Variants in RIMS1 observed in about 807,000 individuals in gnomAD.
The protein encoded by RIMS1 is regulating synaptic membrane exocytosis protein 1.
A neutral mutation model predicts 214.1 loss-of-function variants in RIMS1; 83 were observed. The observed-to-expected ratio is 0.39, with a 90% confidence interval of 0.32 to 0.47. The LOEUF (loss-of-function observed/expected upper bound fraction) is 0.47, where lower values mean the gene tolerates loss of function less well. Ranked by LOEUF, RIMS1 falls within the 20% of genes least tolerant of loss-of-function variation. The pLI, the probability that RIMS1 is intolerant of heterozygous loss-of-function variation, is 0.99. For missense variants in RIMS1, 2,050 were observed against 2,161.8 expected, an observed-to-expected ratio of 0.95 and a Z score of 1.03; for synonymous variants, 793 against 786.8, an observed-to-expected ratio of 1.01 and a Z score of -0.13.
intron 2 of RIMS1, among the ~76,000 whole-genome samples, chr6:71,984,524 C>T (rs1045113398): frequency 9.2e-5 from 14 of 152,190 alleles, no homozygotes; most frequent in African/African-American, 2.9e-4. Context: ...CACGTTAAAC[C>T]TTAGTTAATT....
At chr6:72,126,873 T>C (rs1027682086) in intron 4 of RIMS1, among the ~76,000 whole-genome samples, 2 of 152,028 alleles carry the variant, frequency 1.3e-5, no homozygotes, top group Non-Finnish European at 2.9e-5. Flanking sequence ...AGTTTGGAGA[T>C]TCCTTAAACA....
chr6:72,344,101 G>A (rs903299939), intron 29 of RIMS1, among the ~76,000 whole-genome samples: 1 of 151,680 alleles, frequency 6.6e-6, no homozygotes, highest in Non-Finnish European at 1.5e-5. Flanking sequence ...ATCTCCTTCT[G>A]TTAATTTTTT....
At chr6:72,396,844 C>A (rs909401809) in intron 31 of RIMS1, among the ~76,000 whole-genome samples, 76 of 152,152 alleles carry the variant, frequency 5.0e-4, no homozygotes, top group African/African-American at 1.7e-3. Context: ...AAAACCCTGT[C>A]TCCACTAAAA....
intron 28 of RIMS1, among the ~76,000 whole-genome samples, chr6:72,326,335 C>T (rs1017070131): frequency 1.3e-5 from 2 of 151,666 alleles, no homozygotes; most frequent in Non-Finnish European, 2.9e-5. Context: ...TCTTCCAAAA[C>T]GTTGTGTCAG....
intron 1 of RIMS1, among the ~76,000 whole-genome samples, chr6:71,951,635 C>T (rs1368039639): frequency 6.7e-6 from 1 of 148,642 alleles, no homozygotes; most frequent in Non-Finnish European, 1.5e-5. Context: ...GGTAGGACCA[C>T]AGTTGTGCAC....
chr6:72,192,873 T>A (rs1298430322), intron 6 of RIMS1, among the ~76,000 whole-genome samples: 1 of 152,164 alleles, frequency 6.6e-6, no homozygotes, highest in East Asian at 1.9e-4. Context: ...CCCACTCAGA[T>A]TGAGGGTGGT....
chr6:72,366,087 TA>T (rs1187050943), intron 29 of RIMS1, among the ~76,000 whole-genome samples: 4 of 152,248 alleles, frequency 2.6e-5, no homozygotes, highest in African/African-American at 9.6e-5. Flanking sequence ...GCATGGTATG[TA>T]AAAAGTGCTC....
intron 24 of RIMS1, among the ~76,000 whole-genome samples, chr6:72,285,732 A>G (rs1175340987): frequency 6.6e-6 from 1 of 152,192 alleles, no homozygotes; most frequent in African/African-American, 2.4e-5. Flanking sequence ...AGTTAACTGC[A>G]GTTTCTTTAC....
chr6:71,934,560 A>G (rs1401043608), intron 1 of RIMS1, among the ~76,000 whole-genome samples: 1 of 152,150 alleles, frequency 6.6e-6, no homozygotes, highest in African/African-American at 2.4e-5. Flanking sequence ...ATCTTTTGAG[A>G]TAAATACAGT....
chr6:72,242,108 A>T (rs2067205456), intron 9 of RIMS1, among the ~76,000 whole-genome samples: 1 of 151,980 alleles, frequency 6.6e-6, no homozygotes, highest in African/African-American at 2.4e-5. Flanking sequence ...ATTCTGGGGG[A>T]AAAAAAGAAA....
intron 2 of RIMS1, among the ~76,000 whole-genome samples, chr6:72,021,088 C>G (rs1814508682): frequency 6.6e-6 from 1 of 152,006 alleles, no homozygotes. Context: ...AAGAACATGC[C>G]CATAGATAGA....
intron 2 of RIMS1, among the ~76,000 whole-genome samples, chr6:72,044,938 A>C (rs1822518431): frequency 6.6e-6 from 1 of 151,988 alleles, no homozygotes; most frequent in South Asian, 2.1e-4. Context: ...AATAGCCACA[A>C]TCTGTAAACA....
intron 1 of RIMS1, among the ~76,000 whole-genome samples, chr6:71,955,481 T>C (rs538152552): frequency 5.9e-5 from 9 of 152,272 alleles, no homozygotes; most frequent in African/African-American, 2.2e-4. Flanking sequence ...AACATTCTGG[T>C]ACAAATCATT....
intron 28 of RIMS1, among the ~76,000 whole-genome samples, chr6:72,324,031 G>GATAGAT (rs2096309657): frequency 1.4e-5 from 1 of 70,200 alleles, no homozygotes. Context: ...TGCATGCATA[G>GATAGAT]ATAGATAGAT....
intron 2 of RIMS1, among the ~76,000 whole-genome samples, chr6:72,038,420 A>G (rs1241389490): frequency 6.6e-6 from 1 of 151,986 alleles, no homozygotes; most frequent in African/African-American, 2.4e-5. Flanking sequence ...ATTCAGTGCA[A>G]TGTTTAAAGA....
intron 26 of RIMS1, 64 bp downstream of exon 26, chr6:72,292,110 C>T: frequency 1.0e-6 from 1 of 960,130 alleles, no homozygotes; most frequent in East Asian, 2.6e-5. Context: ...CTATTTATAC[C>T]CCTTTTATTA....
At chr6:72,393,831 G>A (rs973140187) in intron 31 of RIMS1, among the ~76,000 whole-genome samples, 1 of 151,970 alleles carries the variant, frequency 6.6e-6, no homozygotes, top group Non-Finnish European at 1.5e-5. Flanking sequence ...TTCAGAATTC[G>A]GAGGAACAAG....
At chr6:72,212,855 G>A (rs926721305) in intron 6 of RIMS1, 18 of 1,128,558 alleles carry the variant, frequency 1.6e-5, no homozygotes, top group African/African-American at 6.5e-5. Context: ...ACCGAAGCTT[G>A]TCTACAGTAT....
chr6:72,240,243 A>G (rs929710522), intron 9 of RIMS1, among the ~76,000 whole-genome samples: 3 of 152,170 alleles, frequency 2.0e-5, no homozygotes, highest in African/African-American at 7.2e-5. Context: ...AAACGTATGT[A>G]TTAACTTAAT....
Sources: gnomAD v4.1 joint callset for allele counts (sites outside exome capture counted in the v4.1 genomes callset) on GRCh38, gnomAD v4.1.1 for gene constraint, MANE v1.5 for transcripts, NCBI Gene and HGNC (gene_info 2026-07-23, HGNC 2026-07-21) for gene names.